Variants in SGCG observed in about 807,000 individuals in gnomAD.
The protein encoded by SGCG is gamma-sarcoglycan.
SGCG carries 26 observed loss-of-function variants against 29.3 expected under a neutral mutation model. That is an observed-to-expected ratio of 0.89 (90% CI 0.65 to 1.23). The LOEUF (loss-of-function observed/expected upper bound fraction) is 1.23, where lower values mean the gene tolerates loss of function less well. Ranked by LOEUF, SGCG falls within the 50% of genes most tolerant of loss-of-function variation. SGCG has a pLI of 0.00. For missense variants in SGCG, 353 were observed against 356.0 expected, an observed-to-expected ratio of 0.99 and a Z score of 0.07; for synonymous variants, 145 against 129.7, an observed-to-expected ratio of 1.12 and a Z score of -0.80.
chr13:23,249,551 CG>C (rs1879877962), intron 3 of SGCG, among the ~76,000 whole-genome samples: 1 of 73,438 alleles, frequency 1.4e-5, no homozygotes, highest in Admixed American at 1.3e-4. Flanking sequence ...ACAAGTAAAG[CG>C]AAAAAAATGT....
At chr13:23,238,093 T>A (rs1879378653) in intron 3 of SGCG, among the ~76,000 whole-genome samples, 1 of 150,264 alleles carries the variant, frequency 6.7e-6, no homozygotes, top group East Asian at 2.0e-4. Flanking sequence ...CTCAGGAGAG[T>A]TATCCCTGCA....
At chr13:23,231,171 T>C (rs548714037) in intron 2 of SGCG, among the ~76,000 whole-genome samples, 4 of 152,324 alleles carry the variant, frequency 2.6e-5, no homozygotes, top group African/African-American at 7.2e-5. Context: ...TTTGATTTTC[T>C]GCTGGAGTCG....
intron 1 of SGCG, among the ~76,000 whole-genome samples, chr13:23,187,382 C>G (rs779609367): frequency 2.6e-5 from 4 of 152,252 alleles, no homozygotes; most frequent in Non-Finnish European, 4.4e-5. Flanking sequence ...TCACCACCAT[C>G]CATGAGACCA....
chr13:23,298,430 A>G (rs1881993938), intron 6 of SGCG, among the ~76,000 whole-genome samples: 1 of 152,170 alleles, frequency 6.6e-6, no homozygotes. Context: ...TAGGAAAAGC[A>G]GCATTTTTTA....
chr13:23,278,304 G>A lies in SGCG; in HGVS notation c.386-1055G>A, dbSNP rs146487275. Among the ~76,000 whole-genome samples the A allele has an allele frequency of 9.7e-3, 1,469 of 152,174 alleles. 55 individuals are homozygous for A. The highest frequency in any genetic ancestry group is 0.058 in the Admixed American group (886 of 15,288). ...ACTAAAAATACAAAATTAGCCGAGCGTGGTGGCGCATGCCTGTAATCCCAG... is the reference window on the plus strand; with the variant it reads ...ACTAAAAATACAAAATTAGCCGAGCATGGTGGCGCATGCCTGTAATCCCAG... On this transcript the variant is annotated intron_variant, in intron 4 of 7. Transcript: ENST00000218867.
intron 6 of SGCG, among the ~76,000 whole-genome samples, chr13:23,299,456 A>ATTTTTTTTTTTTTTT (rs71100168): frequency 2.9e-4 from 12 of 41,540 alleles, no homozygotes; most frequent in Non-Finnish European, 4.8e-4. Context: ...ATATATATAT[A>ATTTTTTTTTTTTTTT]TTTTTTTTTT....
intron 2 of SGCG, among the ~76,000 whole-genome samples, chr13:23,217,078 A>T: frequency 6.6e-6 from 1 of 152,000 alleles, no homozygotes; most frequent in Non-Finnish European, 1.5e-5. Flanking sequence ...GTATATAAAT[A>T]CTCTTTACAA....
chr13:23,184,392 G>T (rs1876884801), intron 1 of SGCG, among the ~76,000 whole-genome samples: 1 of 151,260 alleles, frequency 6.6e-6, no homozygotes, highest in Admixed American at 6.6e-5. Flanking sequence ...TTTCTAGAGG[G>T]GGCAGTGATA....
chr13:23,284,981 G>C (rs1039616380), intron 5 of SGCG, among the ~76,000 whole-genome samples: 1 of 152,218 alleles, frequency 6.6e-6, no homozygotes. Flanking sequence ...TCCTCTGGAA[G>C]TTTCGTCCCA....
chr13:23,242,518 T>C (rs1879549934), intron 3 of SGCG, among the ~76,000 whole-genome samples: 1 of 152,180 alleles, frequency 6.6e-6, no homozygotes, highest in Non-Finnish European at 1.5e-5. Context: ...TATGATTCTT[T>C]CACCTACTCC....
At chr13:23,299,456 AT>A (rs71100168) in intron 6 of SGCG, among the ~76,000 whole-genome samples, 9 of 41,544 alleles carry the variant, frequency 2.2e-4, no homozygotes, top group African/African-American at 6.1e-4. Context: ...ATATATATAT[AT>A]TTTTTTTTTT....
intron 2 of SGCG, among the ~76,000 whole-genome samples, chr13:23,230,418 A>T (rs558177870): frequency 1.3e-5 from 2 of 152,190 alleles, no homozygotes; most frequent in Admixed American, 6.5e-5. Flanking sequence ...ATCCATGAGC[A>T]TGGAATATTT....
intron 4 of SGCG, among the ~76,000 whole-genome samples, chr13:23,273,416 C>T (rs1200047966): frequency 6.6e-6 from 1 of 152,126 alleles, no homozygotes; most frequent in African/African-American, 2.4e-5. Flanking sequence ...AACTCCTGAC[C>T]TCAGGTGATC....
intron 2 of SGCG, among the ~76,000 whole-genome samples, chr13:23,230,830 G>T (rs1376902599): frequency 1.3e-5 from 2 of 152,152 alleles, no homozygotes; most frequent in South Asian, 2.1e-4. Flanking sequence ...TGTTGAATAG[G>T]AGTGGTAAGA....
chr13:23,201,140 G>T (rs959495569), intron 1 of SGCG, among the ~76,000 whole-genome samples: 1 of 149,804 alleles, frequency 6.7e-6, no homozygotes, highest in African/African-American at 2.4e-5. Flanking sequence ...TGACCCAGGT[G>T]AAAGACGATG....
chr13:23,163,262 A>G, the SGCG span, among the ~76,000 whole-genome samples: 4 of 152,218 alleles, frequency 2.6e-5, no homozygotes, highest in African/African-American at 9.6e-5. Flanking sequence ...GCATTTTGAC[A>G]TTTCATTTTG....
At chr13:23,195,116 G>A (rs753067588) in intron 1 of SGCG, among the ~76,000 whole-genome samples, 1 of 152,152 alleles carries the variant, frequency 6.6e-6, no homozygotes, top group Non-Finnish European at 1.5e-5. Flanking sequence ...AATAACAACC[G>A]GTCTTGGTTA....
chr13:23,207,199 T>TA (rs1878014113), intron 2 of SGCG, among the ~76,000 whole-genome samples: 1 of 152,178 alleles, frequency 6.6e-6, no homozygotes, highest in Non-Finnish European at 1.5e-5. Context: ...ACAAGGGTGC[T>TA]AAGAGTATCA....
At chr13:23,292,795 A>C (rs552900725) in intron 5 of SGCG, among the ~76,000 whole-genome samples, 3 of 152,350 alleles carry the variant, frequency 2.0e-5, no homozygotes, top group Admixed American at 6.5e-5. Flanking sequence ...GTTTCGTGAT[A>C]ACAAAGCATT....
Sources: gnomAD v4.1 joint callset for allele counts (sites outside exome capture counted in the v4.1 genomes callset) on GRCh38, gnomAD v4.1.1 for gene constraint, MANE v1.5 for transcripts, NCBI Gene and HGNC (gene_info 2026-07-23, HGNC 2026-07-21) for gene names.